The following GIT2 variants were observed in gnomAD, a reference collection of about 807,000 sequenced individuals.
GIT2 encodes the protein ARF GTPase-activating protein GIT2.
Under a neutral mutation model 100.3 loss-of-function variants are expected in GIT2, and 32 were observed. That is an observed-to-expected ratio of 0.32 (90% confidence interval 0.24 to 0.43). The LOEUF (loss-of-function observed/expected upper bound fraction) is 0.43. Ranked by LOEUF, GIT2 falls within the 20% of genes least tolerant of loss-of-function variation. GIT2 has a pLI of 1.00. For synonymous variants in GIT2, 353 were observed against 364.1 expected, an observed-to-expected ratio of 0.97 and a Z score of 0.35; for missense variants, 737 against 975.1, an observed-to-expected ratio of 0.76 and a Z score of 3.25.
chr12:109,960,004 TATAC>T, intron 11 of GIT2, 46 bp from the exon 12 acceptor site: 1 of 1,219,576 alleles, frequency 8.2e-7, no homozygotes, highest in Non-Finnish European at 1.2e-6. Context: ...TGTAAAAATA[TATAC>T]ATAAATAGTC....
At chr12:109,999,869 C>T (rs919750864), upstream of GIT2, 20 of 1,255,656 alleles carry the variant, frequency 1.6e-5, no homozygotes, top group Non-Finnish European at 1.9e-5. This position sits in a 1 kb window ranked among gnomAD's most constrained non-coding sequence, Gnocchi z 4.3. Flanking sequence ...CATTTCCAGC[C>T]CTCTGTCCCC....
At chr12:109,986,178 C>T (rs995166795) in intron 4 of GIT2, among the ~76,000 whole-genome samples, 2 of 152,098 alleles carry the variant, frequency 1.3e-5, no homozygotes, top group South Asian at 2.1e-4. Flanking sequence ...AGAGACTCCT[C>T]CTTAACTCAT....
At chr12:109,945,087 G>A (rs1004701729) in intron 16 of GIT2, among the ~76,000 whole-genome samples, 173 bp downstream of exon 16, 3 of 152,312 alleles carry the variant, frequency 2.0e-5, no homozygotes, top group Admixed American at 6.5e-5. Context: ...CGATGGGTGA[G>A]CGTGCATGTG....
chr12:109,938,335 G>T, intron 18 of GIT2, 45 bp downstream of exon 18: 1 of 1,396,138 alleles, frequency 7.2e-7, no homozygotes. Flanking sequence ...CTTTCTGGGC[G>T]CATAACTCAT....
At chr12:109,995,962 GGGAA>G (rs1426966725) in intron 1 of GIT2, 5 of 473,354 alleles carry the variant, frequency 1.1e-5, no homozygotes, top group African/African-American at 2.0e-5. Context: ...GGGAACGAGA[GGGAA>G]GGGAGGGCCG....
chr12:109,953,066 C>G, intron 13 of GIT2, 26 bp downstream of exon 13: 1 of 1,612,926 alleles, frequency 6.2e-7, no homozygotes, highest in South Asian at 1.1e-5. Context: ...CGTGCTTGCC[C>G]TTCCATGGGA....
chr12:109,947,585 A>G lies in GIT2; in HGVS notation c.1393-81T>C. On this transcript the variant is annotated intron_variant, in intron 14 of 19. Transcript: ENST00000355312. This position sits in a 1 kb window ranked among gnomAD's most constrained non-coding sequence, Gnocchi z 4.3. Reference sequence around the variant, plus strand: ...AAACACCAAGTAAATGAATACAACTACCAGTTTTAAACAATAAGGACAGTA... The same window carrying G: ...AAACACCAAGTAAATGAATACAACTGCCAGTTTTAAACAATAAGGACAGTA... 2 of 1,299,094 alleles carry G rather than the reference A, an allele frequency of 1.5e-6. No homozygotes were observed. The highest frequency in any genetic ancestry group is 2.2e-6 in the Non-Finnish European group (2 of 920,190). The allele number at this position is 1,299,094 out of a possible 1,614,324, so 80.5% of individuals were successfully genotyped here.
intron 16 of GIT2, chr12:109,939,670 T>TA (rs1874022863): frequency 7.0e-6 from 1 of 143,704 alleles, no homozygotes; most frequent in Admixed American, 7.1e-5. Context: ...GGGCAACATT[T>TA]AAAAAATAAA....
upstream of GIT2, among the ~76,000 whole-genome samples, chr12:109,996,906 A>G (rs1220298659): frequency 1.3e-5 from 2 of 151,302 alleles, no homozygotes; most frequent in Non-Finnish European, 3.0e-5. Context: ...GTGAAACCCC[A>G]TCTCTACTAA....
chr12:109,988,877 C>T (rs1339834544), intron 4 of GIT2, 86 bp downstream of exon 4: 2 of 551,244 alleles, frequency 3.6e-6, no homozygotes, highest in Non-Finnish European at 6.3e-6. Flanking sequence ...AAAAAGCCCA[C>T]AACCAGACTT....
intron 7 of GIT2, among the ~76,000 whole-genome samples, chr12:109,972,674 G>T (rs1377435901): frequency 6.6e-6 from 1 of 152,124 alleles, no homozygotes; most frequent in Non-Finnish European, 1.5e-5. Context: ...TGTTGGCCAG[G>T]CTGGTCTCAA....
At chr12:109,991,862 A>G in intron 1 of GIT2, 102 bp from the exon 2 acceptor site, 5 of 1,082,932 alleles carry the variant, frequency 4.6e-6, no homozygotes, top group Non-Finnish European at 6.9e-6. Flanking sequence ...AAAAGGAGAC[A>G]TTTTTGTTTC....
chr12:109,938,587 C>A lies in GIT2; in HGVS notation c.1815-19G>T, dbSNP rs758780043. ...GCTTGACCTGTGAACATTAAAGATG[C>A]AGTTAAATACAGCAGGTGCTTATCA... On this transcript the variant is annotated intron_variant, in intron 17 of 19. Transcript: ENST00000355312. 1.3e-6 allele frequency: 2 copies of A among 1,545,156 alleles called. No individual in the cohort carries two copies. The highest frequency in any genetic ancestry group is 4.0e-5 in the Admixed American group (2 of 50,518).
At chr12:109,995,932 C>T (rs554827351) in intron 1 of GIT2, among the ~76,000 whole-genome samples, 1 of 152,330 alleles carries the variant, frequency 6.6e-6, no homozygotes, top group African/African-American at 2.4e-5. Flanking sequence ...CCCAGTTGGC[C>T]TAGGACGGAG....
chr12:109,971,980 C>G (rs1489387098), intron 7 of GIT2, among the ~76,000 whole-genome samples: 1 of 147,336 alleles, frequency 6.8e-6, no homozygotes, highest in Non-Finnish European at 1.5e-5. Context: ...GGTGACAGAG[C>G]AAGACTATCT....
intron 12 of GIT2, among the ~76,000 whole-genome samples, chr12:109,958,398 C>T (rs145967716): frequency 2.0e-5 from 3 of 151,996 alleles, no homozygotes; most frequent in Non-Finnish European, 2.9e-5. Context: ...CGTACCACCA[C>T]GCCCAGCTAA....
intron 18 of GIT2, among the ~76,000 whole-genome samples, chr12:109,936,165 C>A (rs566912866): frequency 1.3e-4 from 19 of 150,116 alleles, no homozygotes; most frequent in African/African-American, 4.7e-4. Flanking sequence ...TAGGATTGAA[C>A]AATTTATGAA....
At chr12:109,971,819 C>G (rs541818320) in intron 7 of GIT2, among the ~76,000 whole-genome samples, 4 of 151,626 alleles carry the variant, frequency 2.6e-5, no homozygotes, top group African/African-American at 9.7e-5. Flanking sequence ...ATGGCGAAAC[C>G]CTGTCTCTAC....
chr12:109,940,900 CAAAA>C, intron 16 of GIT2, among the ~76,000 whole-genome samples: 1 of 141,534 alleles, frequency 7.1e-6, no homozygotes, highest in South Asian at 2.3e-4. Context: ...CAAAACAAAA[CAAAA>C]CAAAACCAAA....
Sources: allele counts gnomAD v4.1 joint callset (sites outside exome capture counted in the v4.1 genomes callset), GRCh38; gene constraint gnomAD v4.1.1; non-coding constraint Gnocchi (gnomAD v3.1); transcripts MANE v1.5; gene names NCBI Gene and HGNC (gene_info 2026-07-23, HGNC 2026-07-21).